Variants in RERG observed in about 807,000 individuals in gnomAD.
The protein encoded by RERG is RAS like estrogen regulated growth inhibitor, also known as ras-related and estrogen-regulated growth inhibitor.
RERG carries 25 observed loss-of-function variants against 23.2 expected under a neutral mutation model. The observed-to-expected ratio is 1.08, with a 90% CI of 0.79 to 1.50. The LOEUF is 1.50. Ranked by LOEUF, RERG falls within the 40% of genes most tolerant of loss-of-function variation. The pLI is 0.00. For missense variants in RERG, 253 were observed against 250.1 expected, an observed-to-expected ratio of 1.01 and a Z score of -0.08; for synonymous variants, 81 against 89.1, an observed-to-expected ratio of 0.91 and a Z score of 0.51.
intron 2 of RERG, among the ~76,000 whole-genome samples, chr12:15,196,178 A>G (rs184304557): frequency 6.6e-6 from 1 of 152,270 alleles, no homozygotes; most frequent in East Asian, 1.9e-4. Flanking sequence ...GTTGAACTGG[A>G]TTCATGTTAA....
At chr12:15,194,940 A>C (rs1865121865) in intron 2 of RERG, among the ~76,000 whole-genome samples, 1 of 152,164 alleles carries the variant, frequency 6.6e-6, no homozygotes, top group African/African-American at 2.4e-5. Context: ...CCAAGGATTC[A>C]GTCCTTTATA....
At chr12:15,157,541 A>G (rs1163538089) in intron 2 of RERG, among the ~76,000 whole-genome samples, 2 of 152,344 alleles carry the variant, frequency 1.3e-5, no homozygotes, top group East Asian at 1.9e-4. Context: ...CTAAAGTGGT[A>G]GAGATAACTT....
At chr12:15,199,501 T>C (rs752979992) in intron 2 of RERG, among the ~76,000 whole-genome samples, 14 of 152,126 alleles carry the variant, frequency 9.2e-5, no homozygotes, top group Non-Finnish European at 2.1e-4. Context: ...ATTCCTATAT[T>C]CTAGACTGGT....
At chr12:15,192,392 T>C (rs1865084142) in intron 2 of RERG, among the ~76,000 whole-genome samples, 1 of 152,156 alleles carries the variant, frequency 6.6e-6, no homozygotes, top group Non-Finnish European at 1.5e-5. Flanking sequence ...TTTATATCAA[T>C]ACAATAATAG....
intron 2 of RERG, among the ~76,000 whole-genome samples, chr12:15,189,829 T>A (rs1003148595): frequency 3.3e-5 from 5 of 152,286 alleles, no homozygotes; most frequent in Admixed American, 6.5e-5. Flanking sequence ...CAAAAATTCA[T>A]GGAAAAGGCA....
At position 15,144,789 on chromosome 12, in the gene RERG, CA is replaced by C. The variant is rs1864302906; in HGVS notation, c.62-23671del. ...CCCATTATGAACATTTATCAGTCATCATTTGGTCTGAAGATAACACTGTGAA... is the reference window on the plus strand; with the variant it reads ...CCCATTATGAACATTTATCAGTCATCTTTGGTCTGAAGATAACACTGTGAA... On this transcript the variant is annotated intron_variant, in intron 2 of 4. Coordinates refer to ENST00000256953, the MANE Select transcript of RERG (RefSeq NM_032918.3). Among the ~76,000 whole-genome samples the C allele has an allele frequency of 2.0e-5, 3 of 152,300 alleles. No homozygotes were observed. The South Asian group carries it at 6.2e-4, about 32-fold the overall frequency.
At chr12:15,127,755 G>A (rs1290006461) in intron 2 of RERG, among the ~76,000 whole-genome samples, 1 of 152,132 alleles carries the variant, frequency 6.6e-6, no homozygotes, top group Non-Finnish European at 1.5e-5. Flanking sequence ...AAGTGTATAT[G>A]CTTTTAGAAA....
intron 4 of RERG, among the ~76,000 whole-genome samples, chr12:15,110,568 T>A (rs999912393): frequency 7.1e-6 from 1 of 140,098 alleles, no homozygotes; most frequent in Non-Finnish European, 1.5e-5. Flanking sequence ...AAGCTCCGCC[T>A]CCCGGGTTCA....
intron 2 of RERG, among the ~76,000 whole-genome samples, chr12:15,134,105 A>C (rs2136097625): frequency 6.6e-6 from 1 of 152,020 alleles, no homozygotes; most frequent in Non-Finnish European, 1.5e-5. Flanking sequence ...AATTTTAATA[A>C]TTTGTTTAGA....
At chr12:15,217,849 A>G (rs1865463633) in intron 1 of RERG, 1 of 177,312 alleles carries the variant, frequency 5.6e-6, no homozygotes, top group African/African-American at 2.4e-5. Flanking sequence ...TAGCATTTCT[A>G]AAGTACTTCC....
chr12:15,155,055 A>G (rs1055735256), intron 2 of RERG: 1 of 152,220 alleles, frequency 6.6e-6, no homozygotes, highest in Non-Finnish European at 1.5e-5. Context: ...GGGATAAGAA[A>G]CTCAGCTAAG....
chr12:15,184,436 A>T (rs992305209), intron 2 of RERG, among the ~76,000 whole-genome samples: 13 of 152,176 alleles, frequency 8.5e-5, no homozygotes, highest in South Asian at 2.1e-4. Flanking sequence ...ACAGAAAGAA[A>T]AAAAAAGAAA....
intron 2 of RERG, among the ~76,000 whole-genome samples, chr12:15,182,431 C>T (rs1265386200): frequency 2.0e-5 from 3 of 152,086 alleles, no homozygotes; most frequent in Admixed American, 6.6e-5. Flanking sequence ...TACCTCCTCC[C>T]AAGTCTTAGC....
chr12:15,114,774 C>T (rs1863690669), intron 3 of RERG: 1 of 152,162 alleles, frequency 6.6e-6, no homozygotes, highest in South Asian at 2.1e-4. Flanking sequence ...AGTGTAGTGC[C>T]TGAACCAGTA....
rs142070577 is a variant in RERG, at chr12:15,121,067, G to C, written c.114C>G (p.Thr38=). The change falls in exon 3 of 5, where the codon ACC becomes ACG. Residue 38 remains threonine (T), a synonymous_variant. Transcript: ENST00000256953. ...AGGAAACAAAATTTGACCTACCGAG[G>C]GTGGGATCATATTCCCAGATGAACC... ...TKRFIWEYDP[T]LESTYRHQAT... The C allele has an allele frequency of 4.3e-6, 7 of 1,610,152 alleles. No homozygotes were observed. The African/African-American group carries it at 9.4e-5, about 22-fold the overall frequency.
intron 2 of RERG, among the ~76,000 whole-genome samples, chr12:15,121,393 A>G (rs958037745): frequency 1.3e-5 from 2 of 152,172 alleles, no homozygotes; most frequent in South Asian, 4.1e-4. Flanking sequence ...CAAAACAAAC[A>G]AAAGTATAAT....
rs1863547048 is a variant in RERG, at chr12:15,108,939, A to G, written c.*171T>C. 12 of 604,226 alleles carry G rather than the reference A, an allele frequency of 2.0e-5. No homozygotes were observed. Among genetic ancestry groups the G allele is most frequent in the Non-Finnish European group, 2.8e-5 (10 of 354,598 alleles). The allele number at this position is 604,226 out of a possible 1,614,324, so 37.4% of individuals were successfully genotyped here. A position where few individuals can be genotyped will look rare whatever the true frequency, so the allele number is the denominator to read the frequency against. On this transcript the variant is annotated 3_prime_UTR_variant, in exon 5 of 5. Transcript: ENST00000256953. ...GAAAGGAAGAAATTGTTAGCACTGAAATTGCATAAAACACGCTAAAACTTC... is the reference window on the plus strand; with the variant it reads ...GAAAGGAAGAAATTGTTAGCACTGAGATTGCATAAAACACGCTAAAACTTC...
In RERG at chr12:15,109,053, A is replaced by G. The variant is rs1481486011; in HGVS notation, c.*57T>C. The G allele has an allele frequency of 7.2e-5, 102 of 1,425,952 alleles. No homozygotes were observed. Among genetic ancestry groups the G allele is most frequent in the Non-Finnish European group, 8.8e-5 (93 of 1,062,300 alleles). The allele number at this position is 1,425,952 out of a possible 1,614,324, so 88.3% of individuals were successfully genotyped here. A position where few individuals can be genotyped will look rare whatever the true frequency, so the allele number is the denominator to read the frequency against. On this transcript the variant is annotated 3_prime_UTR_variant, in exon 5 of 5. Transcript: ENST00000256953. ...TGCAATATTTTGTTTTATTTTTGAA[A>G]GGGGAACAGAAGGGGAAGAGTGTTT...
chr12:15,155,179 T>C (rs897131773), intron 2 of RERG: 2 of 152,234 alleles, frequency 1.3e-5, no homozygotes, highest in Admixed American at 1.3e-4. Flanking sequence ...CTGTGTTTTT[T>C]CATCTTCATT....
Sources: gnomAD v4.1 joint callset for allele counts (sites outside exome capture counted in the v4.1 genomes callset) on GRCh38, gnomAD v4.1.1 for gene constraint, MANE v1.5 for transcripts, NCBI Gene and HGNC (gene_info 2026-07-23, HGNC 2026-07-21) for gene names.